RAB11FIP1: variants seen among roughly 807,000 people sequenced by gnomAD.
RAB11FIP1 encodes RAB11 family interacting protein 1, also known as rab11 family-interacting protein 1.
In RAB11FIP1, 49 loss-of-function variants were observed where a neutral mutation model predicts 83.1. That is an observed-to-expected ratio of 0.59 (90% confidence interval 0.47 to 0.75). The LOEUF (loss-of-function observed/expected upper bound fraction) is 0.75, where lower values mean the gene tolerates loss of function less well. Among genes scored for constraint, RAB11FIP1 ranks in the 30% least tolerant of loss-of-function variants. The pLI is 0.00. For missense variants in RAB11FIP1, 1,536 were observed against 1,598.7 expected (o/e 0.96, Z 0.67); for synonymous variants, 670 against 656.0 (o/e 1.02, Z -0.33).
At chr8:37,879,238 G>A (rs1203437143) in intron 1 of RAB11FIP1, among the ~76,000 whole-genome samples, 2 of 151,814 alleles carry the variant, frequency 1.3e-5, no homozygotes, top group East Asian at 3.9e-4. Context: ...AACCCGGGAG[G>A]CGGAGGTTGC....
chr8:37,863,159 G>T, intron 5 of RAB11FIP1, 46 bp from the exon 6 acceptor site: 1 of 1,497,204 alleles, frequency 6.7e-7, no homozygotes, highest in Non-Finnish European at 9.3e-7. Flanking sequence ...TATAAAATTA[G>T]CACAGAAACC....
intron 1 of RAB11FIP1, among the ~76,000 whole-genome samples, chr8:37,889,690 T>C (rs1220270589): frequency 6.6e-6 from 1 of 152,200 alleles, no homozygotes; most frequent in African/African-American, 2.4e-5. Flanking sequence ...TAAACTCCCA[T>C]ACTTCTTGCC....
intron 1 of RAB11FIP1, among the ~76,000 whole-genome samples, chr8:37,879,749 G>A (rs1214406520): frequency 2.0e-5 from 3 of 152,008 alleles, no homozygotes; most frequent in Non-Finnish European, 4.4e-5. Context: ...CGGGTGTTGT[G>A]CCACATGCCT....
intron 2 of RAB11FIP1, among the ~76,000 whole-genome samples, chr8:37,876,339 A>G (rs1274359144): frequency 6.6e-6 from 1 of 152,104 alleles, no homozygotes; most frequent in Non-Finnish European, 1.5e-5. Flanking sequence ...CACACCGGTC[A>G]TAAGAGCCCT....
intron 5 of RAB11FIP1, among the ~76,000 whole-genome samples, chr8:37,869,481 A>G (rs1806405619): frequency 6.6e-6 from 1 of 152,098 alleles, no homozygotes; most frequent in African/African-American, 2.4e-5. Flanking sequence ...AGTCCCAGCT[A>G]CTTGGGAGGC....
rs1199038048 is a variant in RAB11FIP1 at position 37,860,215 on chromosome 8, C to T, written c.*2680G>A. On this transcript the variant is annotated 3_prime_UTR_variant, in exon 6 of 6. Coordinates refer to ENST00000330843, the MANE Select transcript of RAB11FIP1 (RefSeq NM_001002814.3). ...TTGTGAACACTGCAGATCTCTACGC[C>T]AGCTCTCCAATGGAAGAAGAACCAC... 1 of 152,764 alleles carries T rather than the reference C, an allele frequency of 6.5e-6. No individual in the cohort carries two copies. The highest frequency in any genetic ancestry group is 1.5e-5 in the Non-Finnish European group (1 of 68,128). The allele number at this position is 152,764 out of a possible 1,614,324, so 9.5% of individuals were successfully genotyped here.
intron 1 of RAB11FIP1, among the ~76,000 whole-genome samples, chr8:37,885,780 CTTTTCAGTCCTTCTGGAACAGCT>C (rs1806821675): frequency 6.6e-6 from 1 of 152,200 alleles, no homozygotes; most frequent in East Asian, 1.9e-4. Context: ...ATCTCTTGGG[CTTTTCAGTCCTTCTGGAACAGCT>C]AAGACCATTC....
At chr8:37,887,087 C>A (rs1473373386) in intron 1 of RAB11FIP1, among the ~76,000 whole-genome samples, 1 of 152,210 alleles carries the variant, frequency 6.6e-6, no homozygotes, top group Middle Eastern at 3.2e-3. Context: ...CTAGACCTTG[C>A]CCTCTGCCCA....
At chr8:37,887,356 C>T (rs1169987070) in intron 1 of RAB11FIP1, among the ~76,000 whole-genome samples, 1 of 152,000 alleles carries the variant, frequency 6.6e-6, no homozygotes, top group East Asian at 1.9e-4. Context: ...CATGGTGAAA[C>T]CCTGCCTCTA....
intron 1 of RAB11FIP1, among the ~76,000 whole-genome samples, chr8:37,878,956 T>C (rs1806680095): frequency 6.6e-6 from 1 of 152,070 alleles, no homozygotes; most frequent in Non-Finnish European, 1.5e-5. Context: ...CTAGTCTGGG[T>C]GACAAAGTGA....
intron 1 of RAB11FIP1, among the ~76,000 whole-genome samples, chr8:37,891,195 T>C (rs562106846): frequency 3.6e-4 from 55 of 152,136 alleles, no homozygotes; most frequent in Non-Finnish European, 6.0e-4. Flanking sequence ...TTGTTGTAAT[T>C]CAGAGACCCT....
intron 1 of RAB11FIP1, among the ~76,000 whole-genome samples, chr8:37,888,290 A>G (rs1233867490): frequency 6.6e-6 from 1 of 152,050 alleles, no homozygotes; most frequent in East Asian, 1.9e-4. Context: ...TATCTTTAGT[A>G]GAGACGGAGT....
chr8:37,879,952 G>A (rs547454107), intron 1 of RAB11FIP1, among the ~76,000 whole-genome samples: 1 of 152,134 alleles, frequency 6.6e-6, no homozygotes, highest in South Asian at 2.1e-4. Context: ...ATGGTTAGTT[G>A]GAAAGGAAGC....
At position 37,871,731 on chromosome 8, in the gene RAB11FIP1, C is replaced by T; in HGVS notation, c.3071G>A (p.Gly1024Glu). The change falls in exon 4 of 6, where the codon GGG becomes GAG. Residue 1024 changes from glycine (G) to glutamate (E), a missense_variant. Coordinates refer to ENST00000330843, the MANE Select transcript of RAB11FIP1 (RefSeq NM_001002814.3). ...CAGCCTGAAATCACACAGGCCCTCC[C>T]CCAGTACCAACCTATCTGCCTCGCC... is the stretch of plus-strand genomic sequence containing the variant. ...PSGEADRLVL[G>E]EGLCDFRLQA... is the part of the protein sequence containing the mutation. The T allele has an allele frequency of 3.7e-6, 6 of 1,613,638 alleles. No homozygotes were observed. Among genetic ancestry groups the T allele is most frequent in the Non-Finnish European group, 5.1e-6 (6 of 1,180,024 alleles).
chr8:37,882,149 C>T (rs1585440983), intron 1 of RAB11FIP1, among the ~76,000 whole-genome samples: 1 of 152,158 alleles, frequency 6.6e-6, no homozygotes, highest in Non-Finnish European at 1.5e-5. Context: ...CCACACGGGC[C>T]CTTCTATTAG....
intron 1 of RAB11FIP1, among the ~76,000 whole-genome samples, chr8:37,886,495 C>G (rs1806837753): frequency 6.6e-6 from 1 of 152,210 alleles, no homozygotes; most frequent in African/African-American, 2.4e-5. Context: ...TGGGTTACCT[C>G]CACACTTTAC....
chr8:37,874,809 T>C lies in RAB11FIP1; in HGVS notation c.1328A>G (p.Lys443Arg). 1 of 1,614,174 alleles carries C rather than the reference T, an allele frequency of 6.2e-7. No individual in the cohort carries two copies. Among genetic ancestry groups the C allele is most frequent in the Non-Finnish European group, 8.5e-7 (1 of 1,180,026 alleles). Residue 443 changes from lysine to arginine, a missense_variant, in exon 3 of 6, where the codon AAG becomes AGG. Physicochemically the swap from Lys to Arg is conservative, Grantham distance 26 (BLOSUM62 2). Transcript: ENST00000330843. ...RSSLLSLMTGKKDVAKGSEGE... is the reference protein window; with the variant it reads ...RSSLLSLMTGRKDVAKGSEGE... ...TTCACTGCCCTTAGCCACATCCTTC[T>C]TCCCCGTCATCAGAGACAGCAAAGA...
At chr8:37,865,826 A>G (rs1023616004) in intron 5 of RAB11FIP1, among the ~76,000 whole-genome samples, 3 of 152,202 alleles carry the variant, frequency 2.0e-5, no homozygotes, top group African/African-American at 2.4e-5. Flanking sequence ...ACAATTATAT[A>G]TAACATTTTT....
Position 37,871,754 on chromosome 8 carries a change from G to A in RAB11FIP1, c.3048C>T (p.Gly1016=), listed in dbSNP as rs374571704. The A allele has an allele frequency of 1.1e-5, 17 of 1,613,488 alleles. No homozygotes were observed. Among genetic ancestry groups the A allele is most frequent in the East Asian group, 2.2e-5 (1 of 44,890 alleles). ...CCCCCAGTACCAACCTATCTGCCTC[G>A]CCACTGGGCCCCTTTCCCCTCTCAG... ...PCPERGKGPS[G]EADRLVLGEG... is the part of the protein sequence containing the mutation. The change falls in exon 4 of 6, where the codon GGC becomes GGT. Residue 1016 remains glycine (G), a synonymous_variant. Coordinates refer to ENST00000330843, the MANE Select transcript of RAB11FIP1 (RefSeq NM_001002814.3).
Sources: gnomAD v4.1 joint callset for allele counts (sites outside exome capture counted in the v4.1 genomes callset) on GRCh38, gnomAD v4.1.1 for gene constraint, MANE v1.5 for transcripts, NCBI Gene and HGNC (gene_info 2026-07-23, HGNC 2026-07-21) for gene names.